AKAP19: variants seen among roughly 807,000 people sequenced by gnomAD.
The protein encoded by AKAP19 is small A-kinase anchoring protein.
At chr2:190,104,687 G>A in the AKAP19 span, among the ~76,000 whole-genome samples, 1 of 152,074 alleles carries the variant, frequency 6.6e-6, no homozygotes. Flanking sequence ...CTACTCAGAT[G>A]GCTGAGGTAT....
the AKAP19 span, among the ~76,000 whole-genome samples, chr2:190,129,823 G>T: frequency 6.6e-6 from 1 of 152,110 alleles, no homozygotes; most frequent in Non-Finnish European, 1.5e-5. Flanking sequence ...AAAGAGAACT[G>T]GCTGTAGGTA....
At chr2:189,972,054 C>T in the AKAP19 span, among the ~76,000 whole-genome samples, 75 of 152,234 alleles carry the variant, frequency 4.9e-4, no homozygotes, top group South Asian at 5.6e-3. Context: ...GAAGTCCTTG[C>T]CCATTCCTAT....
At chr2:190,181,146 G>A in the AKAP19 span, 150 of 985,638 alleles carry the variant, frequency 1.5e-4, no homozygotes, top group South Asian at 6.3e-3. Flanking sequence ...ACTGGTGAAG[G>A]GCGGGTGTCT....
At chr2:189,979,043 T>C in the AKAP19 span, among the ~76,000 whole-genome samples, 1 of 151,632 alleles carries the variant, frequency 6.6e-6, no homozygotes, top group South Asian at 2.1e-4. Flanking sequence ...TCCTATAAAA[T>C]TACCAAAGTC....
chr2:190,120,476 A>T, the AKAP19 span, among the ~76,000 whole-genome samples: 21 of 152,206 alleles, frequency 1.4e-4, no homozygotes, highest in Admixed American at 1.4e-3. Context: ...ATGCTGATAC[A>T]AACTTAGAAA....
the AKAP19 span, among the ~76,000 whole-genome samples, chr2:190,165,618 T>G: frequency 6.6e-6 from 1 of 151,902 alleles, no homozygotes; most frequent in African/African-American, 2.4e-5. Flanking sequence ...CACAAAGATA[T>G]AGAGATGGAA....
chr2:190,053,750 TATC>T, the AKAP19 span, among the ~76,000 whole-genome samples: 6 of 152,288 alleles, frequency 3.9e-5, no homozygotes, highest in African/African-American at 1.2e-4. Flanking sequence ...AAATGGATTT[TATC>T]ATATTATAGT....
the AKAP19 span, among the ~76,000 whole-genome samples, chr2:190,037,557 G>T: frequency 7.9e-5 from 12 of 152,208 alleles, no homozygotes; most frequent in Non-Finnish European, 1.5e-5. Context: ...TCCATAGCCA[G>T]GGTAGGAGTA....
At chr2:190,075,015 G>A in the AKAP19 span, among the ~76,000 whole-genome samples, 35 of 152,246 alleles carry the variant, frequency 2.3e-4, no homozygotes, top group Admixed American at 1.9e-3. Context: ...TTAGCTAGGC[G>A]TGTTTACCAA....
At chr2:189,914,274 G>A in the AKAP19 span, among the ~76,000 whole-genome samples, 31 of 152,094 alleles carry the variant, frequency 2.0e-4, no homozygotes, top group African/African-American at 7.2e-4. Flanking sequence ...GTTTCATAAT[G>A]TAGTTTATTT....
At chr2:190,020,136 C>T in the AKAP19 span, among the ~76,000 whole-genome samples, 1 of 152,188 alleles carries the variant, frequency 6.6e-6, no homozygotes, top group Non-Finnish European at 1.5e-5. Flanking sequence ...CAGCTACAAA[C>T]TTAACTGATC....
chr2:190,050,356 G>T, the AKAP19 span, among the ~76,000 whole-genome samples: 1 of 152,270 alleles, frequency 6.6e-6, no homozygotes, highest in East Asian at 1.9e-4. Context: ...AAGTTAGATT[G>T]CCCTTCAGTT....
the AKAP19 span, among the ~76,000 whole-genome samples, chr2:190,061,366 C>G: frequency 6.6e-6 from 1 of 151,982 alleles, no homozygotes; most frequent in East Asian, 1.9e-4. Context: ...TTTGAGCTGA[C>G]TGCAAAAGGA....
At chr2:189,986,622 A>G in the AKAP19 span, among the ~76,000 whole-genome samples, 1 of 152,146 alleles carries the variant, frequency 6.6e-6, no homozygotes, top group Non-Finnish European at 1.5e-5. Context: ...TGGCTTTTCC[A>G]GCCTGTAAGG....
chr2:189,993,799 G>T, the AKAP19 span, among the ~76,000 whole-genome samples: 1 of 152,012 alleles, frequency 6.6e-6, no homozygotes, highest in Non-Finnish European at 1.5e-5. Flanking sequence ...GCACATAAAG[G>T]TGTTCATAGT....
At chr2:189,990,708 ATTAT>A in the AKAP19 span, among the ~76,000 whole-genome samples, 8 of 152,212 alleles carry the variant, frequency 5.3e-5, no homozygotes, top group African/African-American at 9.6e-5. Context: ...CTTTTTAAAA[ATTAT>A]TTATTTTATT....
chr2:189,889,037 CT>C, the AKAP19 span, among the ~76,000 whole-genome samples: 599 of 152,144 alleles, frequency 3.9e-3, 5 homozygotes, highest in Admixed American at 0.01. Flanking sequence ...ATGCTTCCAG[CT>C]TTTGCCCATT....
the AKAP19 span, among the ~76,000 whole-genome samples, chr2:189,891,047 G>C: frequency 6.6e-6 from 1 of 152,038 alleles, no homozygotes; most frequent in African/African-American, 2.4e-5. Context: ...GCAGTGGCTG[G>C]TATCGGTTTT....
At chr2:190,045,588 G>T in the AKAP19 span, among the ~76,000 whole-genome samples, 1 of 152,134 alleles carries the variant, frequency 6.6e-6, no homozygotes, top group Admixed American at 6.5e-5. Context: ...GGCTGGAATG[G>T]CTAAGGCACC....
Sources: gnomAD v4.1 joint callset for allele counts (sites outside exome capture counted in the v4.1 genomes callset) on GRCh38, gnomAD v4.1.1 for gene constraint, MANE v1.5 for transcripts, NCBI Gene and HGNC (gene_info 2026-07-23, HGNC 2026-07-21) for gene names.